The following C12orf60 variants were observed in gnomAD, a reference collection of about 807,000 sequenced individuals.
The protein encoded by C12orf60 is uncharacterized protein C12orf60.
For synonymous variants in C12orf60, 102 were observed against 94.6 expected, an observed-to-expected ratio of 1.08 and a Z score of -0.45; for missense variants, 284 against 283.2, an observed-to-expected ratio of 1.00 and a Z score of -0.02.
At chr12:14,814,673 C>T (rs1050899775) in intron 1 of C12orf60, among the ~76,000 whole-genome samples, 1 of 152,000 alleles carries the variant, frequency 6.6e-6, no homozygotes, top group African/African-American at 2.4e-5. Flanking sequence ...CTTTGTCATT[C>T]TTTCTCTTCC....
chr12:14,822,774 AT>A, intron 1 of C12orf60, 137 bp from the exon 2 acceptor site: 2 of 644,894 alleles, frequency 3.1e-6, no homozygotes, highest in Non-Finnish European at 5.0e-6. Context: ...GCATAGTACC[AT>A]TTTTGTTTCA....
intron 1 of C12orf60, among the ~76,000 whole-genome samples, chr12:14,813,548 T>G (rs1160968402): frequency 6.6e-6 from 1 of 152,242 alleles, no homozygotes; most frequent in Non-Finnish European, 1.5e-5. Context: ...ATTTATCAAG[T>G]GCTCACTGGT....
intron 1 of C12orf60, among the ~76,000 whole-genome samples, chr12:14,810,109 A>G (rs1950113262): frequency 6.6e-6 from 1 of 152,212 alleles, no homozygotes; most frequent in Non-Finnish European, 1.5e-5. Flanking sequence ...TGTTTCCCTT[A>G]TAATGAAAAA....
chr12:14,810,762 G>T (rs778754278), intron 1 of C12orf60, among the ~76,000 whole-genome samples: 1 of 152,134 alleles, frequency 6.6e-6, no homozygotes, highest in Non-Finnish European at 1.5e-5. Context: ...GTTGAGGAGA[G>T]GCTGGGCACC....
intron 1 of C12orf60, chr12:14,806,704 A>G (rs1464292110): frequency 2.6e-5 from 40 of 1,551,062 alleles, no homozygotes; most frequent in Non-Finnish European, 3.3e-5. Flanking sequence ...TCGCTGAAAA[A>G]TAAAATGGTA....
Position 14,806,053 on chromosome 12 carries a change from T to A in C12orf60, c.-25+2302T>A, listed in dbSNP as rs776383564. On this transcript the variant is annotated intron_variant, in intron 1 of 1. Coordinates refer to ENST00000330828, the MANE Select transcript of C12orf60 (RefSeq NM_175874.4). ...TTGATGACCTCAGTAATGGCATGATTATATTTTTCTGAGGCTGATTTGAAC... is the reference window on the plus strand; with the variant it reads ...TTGATGACCTCAGTAATGGCATGATAATATTTTTCTGAGGCTGATTTGAAC... The A allele has an allele frequency of 1.9e-6, 3 of 1,614,210 alleles. No homozygotes were observed. In the Middle Eastern group the frequency reaches 4.9e-4, roughly 266 times the overall value.
At chr12:14,806,309 A>G in intron 1 of C12orf60, 1 of 1,614,236 alleles carries the variant, frequency 6.2e-7, no homozygotes, top group South Asian at 1.1e-5. Context: ...CTGCAGATGT[A>G]GCTTCTCCCA....
At chr12:14,806,652 T>C (rs1245299914) in intron 1 of C12orf60, 29 of 1,608,336 alleles carry the variant, frequency 1.8e-5, no homozygotes, top group Non-Finnish European at 2.5e-5. Context: ...TTTTGGGTTC[T>C]CTGGGTAAAG....
chr12:14,817,680 A>G (rs527366484), intron 1 of C12orf60, among the ~76,000 whole-genome samples: 19 of 152,322 alleles, frequency 1.2e-4, no homozygotes, highest in African/African-American at 4.3e-4. Flanking sequence ...TTATGGCTGC[A>G]TGGTATTCCA....
At position 14,823,348 on chromosome 12, in the gene C12orf60, C is replaced by G; in HGVS notation, c.413C>G (p.Ser138Cys). The change falls in exon 2 of 2, where the codon TCT becomes TGT. Residue 138 changes from serine to cysteine, a missense_variant. Coordinates refer to ENST00000330828, the MANE Select transcript of C12orf60 (RefSeq NM_175874.4). ...NSSNILGSLE[S>C]SLSHLMKFPI... Reference sequence around the variant, plus strand: ...AGTAACATCCTTGGGAGTCTGGAATCTTCTCTTTCACACTTGATGAAATTC... The same window carrying G: ...AGTAACATCCTTGGGAGTCTGGAATGTTCTCTTTCACACTTGATGAAATTC... 6.2e-7 allele frequency: 1 copy of G among 1,614,134 alleles called. No homozygotes were observed. The highest frequency in any genetic ancestry group is 1.3e-5 in the African/African-American group (1 of 75,044).
At chr12:14,820,805 A>T (rs1400725259) in intron 1 of C12orf60, among the ~76,000 whole-genome samples, 1 of 152,042 alleles carries the variant, frequency 6.6e-6, no homozygotes, top group Non-Finnish European at 1.5e-5. Flanking sequence ...TTGGCCCATT[A>T]ACAATATATA....
chr12:14,805,919 T>A (rs1375995181), intron 1 of C12orf60: 3 of 1,350,718 alleles, frequency 2.2e-6, no homozygotes, highest in Middle Eastern at 1.9e-4. Flanking sequence ...TGGAAGCCTA[T>A]AGAAAATGAA....
intron 1 of C12orf60, among the ~76,000 whole-genome samples, chr12:14,818,625 A>G (rs1950259489): frequency 6.6e-6 from 1 of 152,098 alleles, no homozygotes; most frequent in African/African-American, 2.4e-5. Flanking sequence ...CTAAAATACA[A>G]AAAATTTAGC....
chr12:14,810,494 A>C (rs920415508), intron 1 of C12orf60, among the ~76,000 whole-genome samples: 10 of 152,252 alleles, frequency 6.6e-5, no homozygotes, highest in African/African-American at 2.2e-4. Flanking sequence ...AAGATGAAAA[A>C]GACATGGTCC....
rs1355794771 is a variant in C12orf60 at position 14,821,714 on chromosome 12, T to C, written c.-24-1198T>C. Among the ~76,000 whole-genome samples the C allele has an allele frequency of 2.0e-5, 3 of 152,244 alleles. No individual in the cohort carries two copies. In the East Asian group the frequency reaches 5.8e-4, roughly 29 times the overall value. On this transcript the variant is annotated intron_variant, in intron 1 of 1. Coordinates refer to ENST00000330828, the MANE Select transcript of C12orf60 (RefSeq NM_175874.4). Reference sequence around the variant, plus strand: ...TGGTTATAATTTTTGCTTCTTTCTGTGGTCTGCCACCTGCTGTTTGATTCC... The same window carrying C: ...TGGTTATAATTTTTGCTTCTTTCTGCGGTCTGCCACCTGCTGTTTGATTCC...
chr12:14,811,786 C>T (rs928807705), intron 1 of C12orf60, among the ~76,000 whole-genome samples: 2 of 152,134 alleles, frequency 1.3e-5, no homozygotes, highest in African/African-American at 4.8e-5. Context: ...AGGGTACTTT[C>T]GTGAATAACA....
chr12:14,805,880 C>T, intron 1 of C12orf60: 1 of 1,018,752 alleles, frequency 9.8e-7, no homozygotes, highest in Non-Finnish European at 1.4e-6. Flanking sequence ...TTTCCCTCTC[C>T]AAATTGTTTA....
At chr12:14,803,896 T>C (rs144999952) in intron 1 of C12orf60, 145 bp downstream of exon 1, 411 of 160,042 alleles carry the variant, frequency 2.6e-3, no homozygotes, top group Non-Finnish European at 3.9e-3. Flanking sequence ...TCTCCGTGTG[T>C]AAACGAATAC....
chr12:14,820,180 A>G (rs1950283601), intron 1 of C12orf60, among the ~76,000 whole-genome samples: 1 of 151,926 alleles, frequency 6.6e-6, no homozygotes, highest in African/African-American at 2.4e-5. Flanking sequence ...TTCTCTCGTT[A>G]TCCTTTTTAT....
Sources: allele counts gnomAD v4.1 joint callset (sites outside exome capture counted in the v4.1 genomes callset), GRCh38; gene constraint gnomAD v4.1.1; transcripts MANE v1.5; gene names NCBI Gene and HGNC (gene_info 2026-07-23, HGNC 2026-07-21).